Variants in CMIP observed in about 807,000 individuals in gnomAD.
CMIP encodes C-Maf-inducing protein.
In CMIP, 13 loss-of-function variants were observed where a neutral mutation model predicts 97.3. The ratio of observed to expected loss-of-function variants is 0.13; its 90% confidence interval spans 0.09 to 0.21. CMIP has a LOEUF of 0.21. Ranked by LOEUF, CMIP falls within the 10% of genes least tolerant of loss-of-function variation. The probability of loss-of-function intolerance (pLI) is 1.00; values close to 1 mark genes in which losing one functional copy is unlikely to be tolerated. For missense variants in CMIP, 847 were observed against 1,024.9 expected (o/e 0.83, Z 2.37); for synonymous variants, 538 against 436.3 (o/e 1.23, Z -2.91).
intron 10 of CMIP, among the ~76,000 whole-genome samples, chr16:81,687,498 G>T (rs1220166956): frequency 2.0e-5 from 3 of 152,184 alleles, no homozygotes; most frequent in Non-Finnish European, 4.4e-5. Flanking sequence ...CCCAGGTGGG[G>T]GAACTGGTTA....
At chr16:81,559,657 C>T (rs565248059) in intron 1 of CMIP, among the ~76,000 whole-genome samples, 2 of 152,300 alleles carry the variant, frequency 1.3e-5, no homozygotes, top group Middle Eastern at 3.4e-3. Flanking sequence ...GTAAACCTCT[C>T]GCACTGCCAG....
chr16:81,555,405 A>G (rs534077184), intron 1 of CMIP, among the ~76,000 whole-genome samples: 2 of 152,250 alleles, frequency 1.3e-5, no homozygotes, highest in African/African-American at 2.4e-5. Flanking sequence ...CATGGGCAAA[A>G]CAGACAGAAG....
intron 11 of CMIP, 56 bp from the exon 12 acceptor site, chr16:81,693,102 T>C (rs1906286099): frequency 2.1e-6 from 3 of 1,399,560 alleles, no homozygotes; most frequent in Non-Finnish European, 3.0e-6. Context: ...TTGGGAACAT[T>C]GTGCTGTTTC....
intron 1 of CMIP, among the ~76,000 whole-genome samples, chr16:81,496,707 C>A (rs780972895): frequency 1.7e-4 from 26 of 152,236 alleles, no homozygotes; most frequent in Non-Finnish European, 3.4e-4. Context: ...GCACACCATC[C>A]CAGTAGAGGC....
chr16:81,690,262 C>T lies in CMIP; in HGVS notation c.1389-1513C>T, dbSNP rs374336793. Among the ~76,000 whole-genome samples, 10 of 152,248 alleles carry T rather than the reference C, an allele frequency of 6.6e-5. No individual in the cohort carries two copies. In the East Asian group the frequency reaches 1.2e-3, roughly 18 times the overall value. The stretch of plus-strand genomic sequence containing the variant: ...ACCTTGGGCAGTATGGCCATTTTCA[C>T]GATATTGATTCTTCCTATCCATGAG... On this transcript the variant is annotated intron_variant, in intron 10 of 20. Coordinates refer to ENST00000537098, the MANE Select transcript of CMIP (RefSeq NM_198390.3).
chr16:81,688,629 G>A (rs972535751), intron 10 of CMIP, among the ~76,000 whole-genome samples: 7 of 152,122 alleles, frequency 4.6e-5, no homozygotes, highest in Non-Finnish European at 7.4e-5. Context: ...TGTTGTTATT[G>A]TCATTGTTAT....
At chr16:81,505,862 G>A (rs975157953) in intron 1 of CMIP, among the ~76,000 whole-genome samples, 53 of 152,358 alleles carry the variant, frequency 3.5e-4, no homozygotes, top group African/African-American at 1.2e-3. Context: ...GGGCGTGGTG[G>A]CACATGCCTG....
intron 1 of CMIP, among the ~76,000 whole-genome samples, chr16:81,471,250 A>T (rs1907521877): frequency 6.6e-6 from 1 of 152,178 alleles, no homozygotes. Context: ...AGAAATACAT[A>T]TACACATACC....
chr16:81,575,957 A>G (rs1209700607), intron 1 of CMIP, among the ~76,000 whole-genome samples: 1 of 152,228 alleles, frequency 6.6e-6, no homozygotes, highest in East Asian at 1.9e-4. Flanking sequence ...AGTAGTTCTT[A>G]TAAATGCTTA....
At chr16:81,664,549 C>A (rs2092582600) in intron 7 of CMIP, 200 bp downstream of exon 7, 3 of 579,666 alleles carry the variant, frequency 5.2e-6, no homozygotes, top group Non-Finnish European at 6.1e-6. Flanking sequence ...CAGGAAGAAT[C>A]TTTTTGCAGT....
intron 1 of CMIP, among the ~76,000 whole-genome samples, chr16:81,449,637 G>T (rs1228537619): frequency 6.8e-6 from 1 of 148,142 alleles, no homozygotes; most frequent in East Asian, 2.0e-4. Context: ...TAATTTATTT[G>T]ATGTTTTTTT....
intron 1 of CMIP, among the ~76,000 whole-genome samples, chr16:81,459,625 A>T (rs2150736886): frequency 6.6e-6 from 1 of 152,374 alleles, no homozygotes; most frequent in East Asian, 1.9e-4. Context: ...TTTATTTTCT[A>T]AACGATATTG....
At chr16:81,635,587 G>A (rs537120601) in intron 3 of CMIP, among the ~76,000 whole-genome samples, 19 of 152,288 alleles carry the variant, frequency 1.2e-4, no homozygotes, top group African/African-American at 3.8e-4. Context: ...TGTCTGTATC[G>A]TGTTGGTGCA....
intron 3 of CMIP, among the ~76,000 whole-genome samples, chr16:81,642,001 C>T (rs572921374): frequency 3.3e-5 from 5 of 152,356 alleles, no homozygotes; most frequent in African/African-American, 1.2e-4. Context: ...ATGGGACTTA[C>T]ATTATACCAC....
At chr16:81,462,022 T>C (rs1906928326) in intron 1 of CMIP, among the ~76,000 whole-genome samples, 1 of 152,262 alleles carries the variant, frequency 6.6e-6, no homozygotes, top group Admixed American at 6.5e-5. Context: ...CGGAAACCCA[T>C]GGAACTGTGT....
intron 1 of CMIP, among the ~76,000 whole-genome samples, chr16:81,522,564 A>C (rs1263473574): frequency 6.6e-6 from 1 of 152,248 alleles, no homozygotes; most frequent in Non-Finnish European, 1.5e-5. Flanking sequence ...ACAATTTAGC[A>C]TACCCAATCA....
intron 1 of CMIP, among the ~76,000 whole-genome samples, chr16:81,574,586 G>A (rs573262595): frequency 2.0e-5 from 3 of 152,360 alleles, no homozygotes; most frequent in East Asian, 1.9e-4. Flanking sequence ...AAACAGTGAC[G>A]GAAAGGTTGT....
intron 20 of CMIP, among the ~76,000 whole-genome samples, chr16:81,708,998 A>G (rs552024442): frequency 6.6e-6 from 1 of 152,364 alleles, no homozygotes; most frequent in Admixed American, 6.5e-5. Flanking sequence ...GAGGCCAGTT[A>G]GGAGGCAGCT....
chr16:81,560,223 GTTTTT>G (rs758040541), intron 1 of CMIP, among the ~76,000 whole-genome samples: 2 of 108,480 alleles, frequency 1.8e-5, no homozygotes, highest in Non-Finnish European at 4.4e-5. Flanking sequence ...GTTTTGTTTT[GTTTTT>G]TTTTTTTTGA....
Sources: allele counts gnomAD v4.1 joint callset (sites outside exome capture counted in the v4.1 genomes callset), GRCh38; gene constraint gnomAD v4.1.1; transcripts MANE v1.5; gene names NCBI Gene and HGNC (gene_info 2026-07-23, HGNC 2026-07-21).